Variants in ANO4 observed in about 807,000 individuals in gnomAD.
The protein encoded by ANO4 is anoctamin 4, also known as anoctamin-4.
Under a neutral mutation model 141.9 loss-of-function variants are expected in ANO4, and 69 were observed. The observed-to-expected ratio is 0.49, with a 90% confidence interval of 0.40 to 0.59. ANO4 has a LOEUF of 0.59. ANO4 is among the 20% of genes least tolerant of loss of function. The probability of loss-of-function intolerance (pLI) is 0.00; values close to 1 mark genes in which losing one functional copy is unlikely to be tolerated. For missense variants in ANO4, 894 were observed against 1,162.2 expected, an observed-to-expected ratio of 0.77 and a Z score of 3.36; for synonymous variants, 350 against 394.3, an observed-to-expected ratio of 0.89 and a Z score of 1.33.
At chr12:100,804,203 T>A (rs1374313059) in intron 1 of ANO4, among the ~76,000 whole-genome samples, 1 of 152,152 alleles carries the variant, frequency 6.6e-6, no homozygotes, top group African/African-American at 2.4e-5. Context: ...CACATGGTGT[T>A]TGGTTTTCTG....
intron 7 of ANO4, among the ~76,000 whole-genome samples, chr12:100,977,027 C>T (rs2044227951): frequency 1.3e-5 from 2 of 152,174 alleles, no homozygotes; most frequent in Admixed American, 1.3e-4. Context: ...CTTCACTTCT[C>T]TGAGCCTAAG....
intron 24 of ANO4, among the ~76,000 whole-genome samples, chr12:101,112,834 A>G (rs2050712711): frequency 6.6e-6 from 1 of 152,368 alleles, no homozygotes; most frequent in South Asian, 2.1e-4. Flanking sequence ...CTTGACTACT[A>G]TAAGCATGTG....
At chr12:101,016,559 C>G (rs1009092294) in intron 8 of ANO4, among the ~76,000 whole-genome samples, 1 of 152,116 alleles carries the variant, frequency 6.6e-6, no homozygotes, top group African/African-American at 2.4e-5. Flanking sequence ...CTATATCAGC[C>G]ACCAACATTA....
At chr12:100,923,824 C>T (rs567318638) in intron 3 of ANO4, among the ~76,000 whole-genome samples, 1 of 152,220 alleles carries the variant, frequency 6.6e-6, no homozygotes, top group South Asian at 2.1e-4. Flanking sequence ...TTAATGATCG[C>T]CATTCTAACT....
At chr12:100,876,599 T>A (rs756490543) in intron 1 of ANO4, among the ~76,000 whole-genome samples, 3 of 152,192 alleles carry the variant, frequency 2.0e-5, no homozygotes, top group Admixed American at 6.5e-5. Context: ...GGAAAGTACG[T>A]AAGTCAAGGA....
intron 8 of ANO4, among the ~76,000 whole-genome samples, chr12:101,004,295 G>A (rs76530750): frequency 0.019 from 2,960 of 152,120 alleles, 103 homozygotes; most frequent in African/African-American, 0.068. Context: ...GCTCAGAGAG[G>A]CCCTGTGGAG....
At chr12:101,048,048 G>C (rs1191727867) in intron 13 of ANO4, 1 of 1,178,804 alleles carries the variant, frequency 8.5e-7, no homozygotes, top group Non-Finnish European at 1.1e-6. Context: ...GTGTATAAGA[G>C]TTTTGTTGTG....
intron 1 of ANO4, among the ~76,000 whole-genome samples, chr12:100,722,459 G>A (rs1188872714): frequency 6.6e-6 from 1 of 152,190 alleles, no homozygotes; most frequent in Non-Finnish European, 1.5e-5. Context: ...CTGGGCGGGA[G>A]GTTGTTTGAG....
At chr12:100,983,722 C>G (rs1022540851) in intron 7 of ANO4, among the ~76,000 whole-genome samples, 2 of 152,236 alleles carry the variant, frequency 1.3e-5, no homozygotes, top group African/African-American at 4.8e-5. Context: ...CACATCCCTC[C>G]TGCTAGAGAA....
chr12:100,884,938 G>T (rs900527871), intron 1 of ANO4, among the ~76,000 whole-genome samples: 4 of 152,098 alleles, frequency 2.6e-5, no homozygotes, highest in Admixed American at 1.3e-4. Context: ...CAGGTGATCC[G>T]CCCGCCTTGG....
At position 100,781,971 on chromosome 12, in the gene ANO4, TG is replaced by T. The variant is rs2033724375; in HGVS notation, c.358+41867del. ...TGATCAGAGGCAAATACATAATTTTTGTGAGTCTCATTGGCAATCTGGAAAC... is the reference window on the plus strand; with the variant it reads ...TGATCAGAGGCAAATACATAATTTTTTGAGTCTCATTGGCAATCTGGAAAC... On this transcript the variant is annotated intron_variant, in intron 3 of 29. Coordinates refer to the ANO4 transcript ENST00000644049. Among the ~76,000 whole-genome samples, 7 of 152,336 alleles carry T rather than the reference TG, an allele frequency of 4.6e-5. No individual in the cohort carries two copies. In the South Asian group the frequency reaches 1.4e-3, roughly 32 times the overall value.
chr12:100,939,464 G>A lies in ANO4; in HGVS notation c.297+13G>A. 3 of 1,610,686 alleles carry A rather than the reference G, an allele frequency of 1.9e-6. No individual in the cohort carries two copies. Among genetic ancestry groups the A allele is most frequent in the Non-Finnish European group, 1.7e-6 (2 of 1,177,794 alleles). ...AGCCGGGGGAGAGGTAAGAGTATATGATTTCTTACAAATGTAATTCGTGAT... is the reference window on the plus strand; with the variant it reads ...AGCCGGGGGAGAGGTAAGAGTATATAATTTCTTACAAATGTAATTCGTGAT... On this transcript the variant is annotated intron_variant, in intron 4 of 27. Coordinates refer to ENST00000392977, the MANE Select transcript of ANO4 (RefSeq NM_001286615.2).
chr12:100,784,151 T>C (rs140115660), intron 3 of ANO4, among the ~76,000 whole-genome samples: 18 of 152,310 alleles, frequency 1.2e-4, no homozygotes, highest in African/African-American at 4.1e-4. Context: ...ACTTGTTGAA[T>C]GCATTAATGA....
At chr12:100,856,121 C>T (rs1461486221) in intron 1 of ANO4, among the ~76,000 whole-genome samples, 6 of 152,008 alleles carry the variant, frequency 3.9e-5, no homozygotes, top group African/African-American at 4.8e-5. Context: ...CTATTGAAAT[C>T]GATGGTGTGG....
At position 100,809,366 on chromosome 12, in the gene ANO4, G is replaced by A. The variant is rs995554924; in HGVS notation, c.-141+14339G>A. On this transcript the variant is annotated intron_variant, in intron 1 of 27. Coordinates refer to ENST00000392977, the MANE Select transcript of ANO4 (RefSeq NM_001286615.2). ...CGCCCCACTGCACTCCAACCTGGGC[G>A]ACAGAGCAAGATTCTGTCTCAAAAA... Among the ~76,000 whole-genome samples the A allele has an allele frequency of 2.8e-4, 41 of 147,894 alleles. 2 individuals carry two copies. The highest frequency in any genetic ancestry group is 3.4e-3 in the Middle Eastern group (1 of 290).
chr12:101,075,081 G>A (rs1188680384), intron 14 of ANO4, among the ~76,000 whole-genome samples: 2 of 152,112 alleles, frequency 1.3e-5, no homozygotes, highest in African/African-American at 4.8e-5. Context: ...ACTCAGCATG[G>A]GTGCACAGGG....
chr12:100,872,074 T>A (rs2135929807), intron 1 of ANO4, among the ~76,000 whole-genome samples: 1 of 152,344 alleles, frequency 6.6e-6, no homozygotes, highest in African/African-American at 2.4e-5. Flanking sequence ...ATGATGCTGT[T>A]TTCCTAGTCT....
intron 1 of ANO4, among the ~76,000 whole-genome samples, chr12:100,825,273 C>A (rs1290439326): frequency 6.6e-6 from 1 of 151,974 alleles, no homozygotes; most frequent in African/African-American, 2.4e-5. Context: ...AATACTGAAT[C>A]CCTTAACTAT....
chr12:100,952,085 C>T (rs923870143), intron 5 of ANO4, among the ~76,000 whole-genome samples: 2 of 152,254 alleles, frequency 1.3e-5, no homozygotes, highest in Non-Finnish European at 1.5e-5. Context: ...TAGGGGGTAG[C>T]GCTTCCATTC....
Sources: allele counts gnomAD v4.1 joint callset (sites outside exome capture counted in the v4.1 genomes callset), GRCh38; gene constraint gnomAD v4.1.1; transcripts MANE v1.5; gene names NCBI Gene and HGNC (gene_info 2026-07-23, HGNC 2026-07-21).